Variants in COL24A1 observed in about 807,000 individuals in gnomAD.
COL24A1 encodes collagen type XXIV alpha 1 chain.
Under a neutral mutation model 253.9 loss-of-function variants are expected in COL24A1, and 224 were observed. The observed-to-expected ratio is 0.88, with a 90% CI of 0.79 to 0.99. The LOEUF (loss-of-function observed/expected upper bound fraction) is 0.99, where lower values mean the gene tolerates loss of function less well. COL24A1 is among the 50% of genes least tolerant of loss of function. The pLI, the probability that COL24A1 is intolerant of heterozygous loss-of-function variation, is 0.00. For synonymous variants in COL24A1, 685 were observed against 673.7 expected (o/e 1.02, Z -0.26); for missense variants, 2,131 against 2,068.5 (o/e 1.03, Z -0.59).
intron 53 of COL24A1, among the ~76,000 whole-genome samples, chr1:85,762,853 A>G (rs1278193510): frequency 2.0e-5 from 3 of 152,250 alleles, no homozygotes; most frequent in African/African-American, 7.2e-5. Flanking sequence ...GGAATTTATC[A>G]TAGAAAAATA....
chr1:85,774,727 T>A (rs1303405325), intron 53 of COL24A1, among the ~76,000 whole-genome samples: 1 of 152,222 alleles, frequency 6.6e-6, no homozygotes, highest in Non-Finnish European at 1.5e-5. Flanking sequence ...ATTCCCTTTA[T>A]CATTTTTTAT....
chr1:85,824,705 C>G (rs1489286896), intron 43 of COL24A1, among the ~76,000 whole-genome samples: 1 of 152,148 alleles, frequency 6.6e-6, no homozygotes, highest in African/African-American at 2.4e-5. Context: ...AAACTAGCAA[C>G]AACCCAGAAG....
chr1:85,995,255 ATT>A (rs918030608), intron 19 of COL24A1, among the ~76,000 whole-genome samples: 1 of 150,188 alleles, frequency 6.7e-6, no homozygotes, highest in African/African-American at 2.4e-5. Context: ...AATTAAAAAA[ATT>A]TTTTTTTTTT....
chr1:86,034,005 A>G, intron 12 of COL24A1, 82 bp from the exon 13 acceptor site: 1 of 1,064,108 alleles, frequency 9.4e-7, no homozygotes, highest in Non-Finnish European at 1.3e-6. Flanking sequence ...ATTTAGTAAT[A>G]GAAAATATTA....
intron 7 of COL24A1, among the ~76,000 whole-genome samples, chr1:86,075,823 G>T (rs919555175): frequency 6.6e-6 from 1 of 152,018 alleles, no homozygotes; most frequent in African/African-American, 2.4e-5. Flanking sequence ...GGCAGAAAAA[G>T]CCTTCAATAA....
At chr1:85,959,667 A>G (rs1201634439) in intron 24 of COL24A1, among the ~76,000 whole-genome samples, 2 of 152,142 alleles carry the variant, frequency 1.3e-5, no homozygotes, top group African/African-American at 4.8e-5. Flanking sequence ...CAAATGTTCA[A>G]TAAATGTTAT....
intron 14 of COL24A1, among the ~76,000 whole-genome samples, chr1:86,028,070 G>T (rs1030436407): frequency 2.6e-5 from 4 of 152,086 alleles, no homozygotes; most frequent in Non-Finnish European, 4.4e-5. Context: ...ATTTGGAATG[G>T]GAGTATTTAC....
At position 86,125,892 on chromosome 1, in the gene COL24A1, T is replaced by C; in HGVS notation, c.444A>G (p.Gly148=). ...LPKKLVVHIR[G]KQPAVFNYSV... ...TGTAGTTGAAAACTGCAGGCTGCTT[T>C]CCTCTAATGTGTACTACTAATTTTT... is the stretch of plus-strand genomic sequence containing the variant. Residue 148 remains glycine, a synonymous_variant, in exon 3 of 60, where the codon GGA becomes GGG. Transcript: ENST00000370571. 1 of 1,613,282 alleles carries C rather than the reference T, an allele frequency of 6.2e-7. No homozygotes were observed. The highest frequency in any genetic ancestry group is 8.5e-7 in the Non-Finnish European group (1 of 1,179,702).
At chr1:86,052,771 AG>A (rs1451104446) in intron 10 of COL24A1, among the ~76,000 whole-genome samples, 2 of 152,092 alleles carry the variant, frequency 1.3e-5, no homozygotes, top group Non-Finnish European at 2.9e-5. Context: ...TATTTTAAAA[AG>A]AAAGAGATAA....
intron 7 of COL24A1, among the ~76,000 whole-genome samples, chr1:86,066,996 A>C (rs1284133650): frequency 6.6e-6 from 1 of 152,026 alleles, no homozygotes; most frequent in Non-Finnish European, 1.5e-5. Context: ...AAAATTAGCC[A>C]GGTGTGGTGG....
chr1:86,058,660 A>C lies in COL24A1; in HGVS notation c.1806+461T>G, dbSNP rs72716142. Among the ~76,000 whole-genome samples the C allele has an allele frequency of 9.0e-3, 1,368 of 152,008 alleles. 8 individuals are homozygous for C. The highest frequency in any genetic ancestry group is 0.021 in the South Asian group (99 of 4,816). ...AAGGGAATACATTTAAAATGATTAG[A>C]ATGCATTTTAAAAATAGTATACAAA... On this transcript the variant is annotated intron_variant, in intron 9 of 59. Coordinates refer to ENST00000370571, the MANE Select transcript of COL24A1 (RefSeq NM_152890.7).
At chr1:86,122,067 C>G (rs781089825) in intron 3 of COL24A1, among the ~76,000 whole-genome samples, 1 of 152,136 alleles carries the variant, frequency 6.6e-6, no homozygotes, top group Admixed American at 6.6e-5. Flanking sequence ...ACCATTCAGT[C>G]TCTCATTATC....
intron 57 of COL24A1, among the ~76,000 whole-genome samples, chr1:85,739,305 G>T (rs2100862465): frequency 6.6e-6 from 1 of 152,200 alleles, no homozygotes; most frequent in South Asian, 2.1e-4. Context: ...TTTTATATGG[G>T]GTGAAATGCT....
At chr1:86,087,185 A>G (rs1703121873) in intron 7 of COL24A1, among the ~76,000 whole-genome samples, 1 of 139,414 alleles carries the variant, frequency 7.2e-6, no homozygotes, top group Admixed American at 7.0e-5. Flanking sequence ...AAAAAATCTT[A>G]TAAGAGAAAC....
intron 7 of COL24A1, among the ~76,000 whole-genome samples, chr1:86,082,044 A>G (rs1013972132): frequency 6.6e-6 from 1 of 152,188 alleles, no homozygotes; most frequent in African/African-American, 2.4e-5. Context: ...ACATAGCACA[A>G]GGCAGCTTCT....
chr1:85,997,401 G>A (rs1170587844), intron 19 of COL24A1, among the ~76,000 whole-genome samples: 3 of 151,924 alleles, frequency 2.0e-5, no homozygotes, highest in East Asian at 3.9e-4. Flanking sequence ...ATGTACTCTC[G>A]TCCCCATCCC....
chr1:86,001,283 TGCCAA>T (rs1189238690), intron 19 of COL24A1, among the ~76,000 whole-genome samples: 4 of 152,228 alleles, frequency 2.6e-5, no homozygotes, highest in Admixed American at 2.6e-4. Context: ...TTCTCTTCAA[TGCCAA>T]TGGCAAATAG....
chr1:85,879,401 T>A lies in COL24A1; in HGVS notation c.2977-2226A>T, dbSNP rs138092439. On this transcript the variant is annotated intron_variant, in intron 32 of 59. Transcript: ENST00000370571. ...CTCCTTTGTCACAGATCACTTGATT[T>A]TATTTGTGACTATATGTTGTGTATA... is the stretch of plus-strand genomic sequence containing the variant. Among the ~76,000 whole-genome samples, 99 of 152,280 alleles carry A rather than the reference T, an allele frequency of 6.5e-4. No homozygotes were observed. In the East Asian group the frequency reaches 0.014, roughly 21 times the overall value.
At chr1:85,816,725 A>G (rs1673075934) in intron 47 of COL24A1, 63 bp downstream of exon 47, 4 of 1,383,784 alleles carry the variant, frequency 2.9e-6, no homozygotes, top group South Asian at 1.2e-5. Flanking sequence ...CAAAATATCT[A>G]TGGTCTAGCA....
Sources: gnomAD v4.1 joint callset for allele counts (sites outside exome capture counted in the v4.1 genomes callset) on GRCh38, gnomAD v4.1.1 for gene constraint, MANE v1.5 for transcripts, NCBI Gene and HGNC (gene_info 2026-07-23, HGNC 2026-07-21) for gene names.